Variants in KCNMB2 observed in about 807,000 individuals in gnomAD.
KCNMB2 encodes the protein potassium calcium-activated channel subfamily M regulatory beta subunit 2.
A neutral mutation model predicts 24.5 loss-of-function variants in KCNMB2; 9 were observed. The ratio of observed to expected loss-of-function variants is 0.37; its 90% CI spans 0.22 to 0.64. The LOEUF (loss-of-function observed/expected upper bound fraction) is 0.64. Among genes scored for constraint, KCNMB2 ranks in the 30% least tolerant of loss-of-function variants. KCNMB2 has a pLI of 0.63. For missense variants in KCNMB2, 226 were observed against 284.3 expected (o/e 0.79, Z 1.47); for synonymous variants, 109 against 104.4 (o/e 1.04, Z -0.27).
Position 178,632,142 on chromosome 3 carries a change from T to C in KCNMB2, c.-68+95431T>C, listed in dbSNP as rs78743829. Among the ~76,000 whole-genome samples, 1,179 of 152,350 alleles carry C rather than the reference T, an allele frequency of 7.7e-3. 16 individuals are homozygous for C. The highest frequency in any genetic ancestry group is 0.027 in the African/African-American group (1,139 of 41,574). On this transcript the variant is annotated intron_variant, in intron 1 of 4. Transcript: ENST00000452583. ...AGTACAATGCCTCAGGAAATGTACA[T>C]ATCTCAACACAGAGGCTGAAAACAC...
At chr3:178,781,001 G>A (rs1447080899) in intron 1 of KCNMB2, among the ~76,000 whole-genome samples, 1 of 152,150 alleles carries the variant, frequency 6.6e-6, no homozygotes, top group Non-Finnish European at 1.5e-5. Flanking sequence ...ACTGCAAAGT[G>A]CTATAAGTAT....
At chr3:178,799,762 T>C (rs764468359) in intron 1 of KCNMB2, among the ~76,000 whole-genome samples, 5 of 152,004 alleles carry the variant, frequency 3.3e-5, no homozygotes, top group Admixed American at 2.0e-4. Context: ...AATCATATTA[T>C]CTGACATCAA....
chr3:178,560,318 T>A (rs1163094402), intron 1 of KCNMB2, among the ~76,000 whole-genome samples: 1 of 152,110 alleles, frequency 6.6e-6, no homozygotes, highest in Non-Finnish European at 1.5e-5. Flanking sequence ...TGACATCCAA[T>A]CAGGAGGCCT....
At chr3:178,744,084 T>C (rs975033773) in intron 1 of KCNMB2, among the ~76,000 whole-genome samples, 29 of 152,216 alleles carry the variant, frequency 1.9e-4, no homozygotes, top group African/African-American at 6.5e-4. Context: ...CCTGCAGAGA[T>C]GGAAAGAGAC....
intron 1 of KCNMB2, among the ~76,000 whole-genome samples, chr3:178,790,630 G>T (rs758281360): frequency 5.9e-5 from 9 of 152,170 alleles, no homozygotes; most frequent in Non-Finnish European, 1.2e-4. Flanking sequence ...GCCAGGCAGT[G>T]GTCACTGTGC....
At chr3:178,735,796 A>T (rs1295692577) in intron 1 of KCNMB2, among the ~76,000 whole-genome samples, 1 of 152,232 alleles carries the variant, frequency 6.6e-6, no homozygotes, top group African/African-American at 2.4e-5. Context: ...AAGAGTAAGG[A>T]TTAATGGAAA....
At chr3:178,569,401 C>T (rs937252822) in intron 1 of KCNMB2, among the ~76,000 whole-genome samples, 1 of 152,156 alleles carries the variant, frequency 6.6e-6, no homozygotes, top group African/African-American at 2.4e-5. Flanking sequence ...GCGCACTACC[C>T]TTTGATTCAT....
chr3:178,632,250 T>A (rs1281397306), intron 1 of KCNMB2, among the ~76,000 whole-genome samples: 3 of 152,144 alleles, frequency 2.0e-5, no homozygotes, highest in African/African-American at 7.2e-5. Flanking sequence ...AGTGGCTTGA[T>A]TAAGGAAAAA....
intron 1 of KCNMB2, among the ~76,000 whole-genome samples, chr3:178,585,157 T>G (rs2108493221): frequency 6.6e-6 from 1 of 152,336 alleles, no homozygotes; most frequent in South Asian, 2.1e-4. Flanking sequence ...GAAAGCAGAT[T>G]ATTCTCCTGG....
At chr3:178,725,821 C>T (rs1192472037) in intron 1 of KCNMB2, among the ~76,000 whole-genome samples, 2 of 151,766 alleles carry the variant, frequency 1.3e-5, no homozygotes, top group East Asian at 3.9e-4. Flanking sequence ...TTTAACCTAC[C>T]TATATTATTT....
intron 1 of KCNMB2, among the ~76,000 whole-genome samples, chr3:178,624,810 G>A (rs1469372550): frequency 2.0e-5 from 3 of 152,004 alleles, no homozygotes; most frequent in Non-Finnish European, 4.4e-5. Flanking sequence ...TGTCCCGAGT[G>A]ACAGAGGTGT....
intron 1 of KCNMB2, among the ~76,000 whole-genome samples, chr3:178,778,923 G>A (rs992723485): frequency 6.6e-6 from 1 of 151,024 alleles, no homozygotes; most frequent in Admixed American, 6.6e-5. Flanking sequence ...ATAACTTGGA[G>A]TCCATACTGC....
intron 1 of KCNMB2, among the ~76,000 whole-genome samples, chr3:178,542,804 G>A (rs1029253275): frequency 6.6e-6 from 1 of 152,134 alleles, no homozygotes. Context: ...TTCTAGACAC[G>A]CTGTATAATG....
chr3:178,711,466 T>C (rs1722451942), intron 1 of KCNMB2, among the ~76,000 whole-genome samples: 1 of 152,084 alleles, frequency 6.6e-6, no homozygotes, highest in Admixed American at 6.6e-5. Context: ...CCTTGCGCTG[T>C]CTCTCCCACC....
At chr3:178,550,580 T>A (rs546213700) in intron 1 of KCNMB2, among the ~76,000 whole-genome samples, 1 of 151,744 alleles carries the variant, frequency 6.6e-6, no homozygotes, top group East Asian at 1.9e-4. Flanking sequence ...AGTGAGATAG[T>A]GAGAGAAATG....
chr3:178,680,234 G>A (rs1721220037), intron 1 of KCNMB2, among the ~76,000 whole-genome samples: 1 of 152,136 alleles, frequency 6.6e-6, no homozygotes, highest in South Asian at 2.1e-4. Context: ...AGGAAGAGCT[G>A]GGGAATGCAG....
rs1422017077 is a variant in KCNMB2, at chr3:178,655,725, G to C, written c.-68+119014G>C. On this transcript the variant is annotated intron_variant, in intron 1 of 4. Transcript: ENST00000452583. ...AGGAACGCCCAGGTCCTGGGCTCTG[G>C]GCAGCACCAGCAGAGAAGGCCCTAC... Among the ~76,000 whole-genome samples, 11 of 152,292 alleles carry C rather than the reference G, an allele frequency of 7.2e-5. No homozygotes were observed. The East Asian group carries it at 2.1e-3, about 29-fold the overall frequency.
intron 4 of KCNMB2, among the ~76,000 whole-genome samples, chr3:178,835,583 G>T (rs1390762461): frequency 6.6e-6 from 1 of 151,790 alleles, no homozygotes; most frequent in Non-Finnish European, 1.5e-5. Context: ...TGCAAAGTCT[G>T]GTACATTATA....
intron 1 of KCNMB2, among the ~76,000 whole-genome samples, chr3:178,594,032 C>T (rs1199907901): frequency 6.6e-6 from 1 of 151,498 alleles, no homozygotes; most frequent in South Asian, 2.1e-4. Context: ...TCTGGTATGC[C>T]CTCTTCCCTC....
Sources: gnomAD v4.1 joint callset for allele counts (sites outside exome capture counted in the v4.1 genomes callset) on GRCh38, gnomAD v4.1.1 for gene constraint, MANE v1.5 for transcripts, NCBI Gene and HGNC (gene_info 2026-07-23, HGNC 2026-07-21) for gene names.